DNAH9: variants seen among roughly 807,000 people sequenced by gnomAD.
DNAH9 encodes DNAH9 variant protein.
Under a neutral mutation model 471.6 loss-of-function variants are expected in DNAH9, and 345 were observed. That is an observed-to-expected ratio of 0.73 (90% CI 0.67 to 0.80). The LOEUF (loss-of-function observed/expected upper bound fraction) is 0.80, where lower values mean the gene tolerates loss of function less well. Among genes scored for constraint, DNAH9 ranks in the 30% least tolerant of loss-of-function variants. DNAH9 has a pLI of 0.00. For missense variants in DNAH9, 5,407 were observed against 5,609.2 expected (o/e 0.96, Z 1.15); for synonymous variants, 2,093 against 2,123.6 (o/e 0.99, Z 0.40).
intron 64 of DNAH9, 105 bp from the exon 65 acceptor site, chr17:11,933,775 G>GCGTC: frequency 2.0e-6 from 2 of 993,768 alleles, no homozygotes; most frequent in Non-Finnish European, 1.5e-6. Context: ...ATCTCAAGAA[G>GCGTC]CGTCCCTCTC....
In DNAH9 at chr17:11,744,983, G is replaced by T. The variant is rs3744577; in HGVS notation, c.6298G>T (p.Ala2100Ser). 1 of 1,614,068 alleles carries T rather than the reference G, an allele frequency of 6.2e-7. No homozygotes were observed. Among genetic ancestry groups the T allele is most frequent in the African/African-American group, 1.3e-5 (1 of 74,998 alleles). Residue 2100 changes from alanine to serine, a missense_variant, in exon 31 of 69, where the codon GCC becomes TCC. Coordinates refer to ENST00000262442, the MANE Select transcript of DNAH9 (RefSeq NM_001372.4). ...GGGCCTGATCGGGGACCTCTTTCCC[G>T]CCCTGGATGTCCCCCGGAGGAGAGA... ...FMGLIGDLFP[A>S]LDVPRRRDPN...
At chr17:11,698,892 G>A in intron 22 of DNAH9, among the ~76,000 whole-genome samples, 1 of 152,036 alleles carries the variant, frequency 6.6e-6, no homozygotes. Context: ...TGCTTGCCAT[G>A]AGCATGCCTG....
chr17:11,834,644 G>A lies in DNAH9; in HGVS notation c.9253G>A (p.Asp3085Asn). 6.2e-7 allele frequency: 1 copy of A among 1,614,016 alleles called. No homozygotes were observed. Among genetic ancestry groups the A allele is most frequent in the Non-Finnish European group, 8.5e-7 (1 of 1,180,008 alleles). ...KLHSTSAQVD[D>N]LKAKLAAQEV... Reference sequence around the variant, plus strand: ...CCGTGCTTCTCCAATGCAGGTGGATGATCTGAAAGCAAAGCTGGCTGCCCA... The same window carrying A: ...CCGTGCTTCTCCAATGCAGGTGGATAATCTGAAAGCAAAGCTGGCTGCCCA... The change falls in exon 49 of 69, where the codon GAT becomes AAT. Residue 3085 changes from aspartate to asparagine, a missense_variant. By Grantham distance (23) the Asp-to-Asn change is conservative. Coordinates refer to ENST00000262442, the MANE Select transcript of DNAH9 (RefSeq NM_001372.4).
rs759391577 is a variant in DNAH9, at chr17:11,690,099, A to G, written c.4277A>G (p.Lys1426Arg). 1.9e-6 allele frequency: 3 copies of G among 1,614,178 alleles called. No individual in the cohort carries two copies. The highest frequency in any genetic ancestry group is 1.3e-5 in the African/African-American group (1 of 75,050). ...GATGAGGTCCGGGGCATTGTGGACAAAGCTGCAAAAGAGATGGGTATGGAG... is the reference window on the plus strand; with the variant it reads ...GATGAGGTCCGGGGCATTGTGGACAGAGCTGCAAAAGAGATGGGTATGGAG... The part of the protein sequence containing the change: ...YEDEVRGIVD[K>R]AAKEMGMEKT... Residue 1426 changes from lysine (K) to arginine (R), a missense_variant, in exon 20 of 69, where the codon AAA becomes AGA. Physicochemically the swap from Lys to Arg is conservative, Grantham distance 26. Transcript: ENST00000262442.
intron 67 of DNAH9, among the ~76,000 whole-genome samples, chr17:11,944,490 C>G (rs1268409043): frequency 1.3e-5 from 2 of 152,070 alleles, no homozygotes; most frequent in Non-Finnish European, 2.9e-5. Flanking sequence ...GGTCTGTTCT[C>G]AGAGTTAACA....
At chr17:11,689,534 A>G (rs993944122) in intron 19 of DNAH9, 32 bp from the exon 20 acceptor site, 23 of 1,575,492 alleles carry the variant, frequency 1.5e-5, no homozygotes, top group Non-Finnish European at 1.8e-5. Flanking sequence ...CCTGCGTGCC[A>G]TACTTACAAA....
chr17:11,635,781 G>T (rs2150678629), intron 8 of DNAH9, among the ~76,000 whole-genome samples: 1 of 152,230 alleles, frequency 6.6e-6, no homozygotes, highest in African/African-American at 2.4e-5. Context: ...GAAACACTGA[G>T]GGGTTAGGGC....
At chr17:11,671,945 T>G (rs905362134) in intron 17 of DNAH9, among the ~76,000 whole-genome samples, 1 of 152,238 alleles carries the variant, frequency 6.6e-6, no homozygotes, top group Non-Finnish European at 1.5e-5. Flanking sequence ...TCTTCTAAGG[T>G]GTCTTCCGTC....
chr17:11,824,548 T>C (rs1251379854), intron 48 of DNAH9, among the ~76,000 whole-genome samples: 2 of 152,192 alleles, frequency 1.3e-5, no homozygotes, highest in Admixed American at 1.3e-4. Context: ...TCTCATGTGT[T>C]GCTTTCATCC....
intron 18 of DNAH9, 47 bp from the exon 19 acceptor site, chr17:11,680,676 G>A: frequency 1.3e-6 from 2 of 1,571,502 alleles, no homozygotes; most frequent in Non-Finnish European, 1.7e-6. Context: ...CTATGGGAGA[G>A]GAAAGAGCAC....
chr17:11,937,476 G>A lies in DNAH9; in HGVS notation c.12614G>A (p.Arg4205Gln), dbSNP rs752708637. 1.7e-5 allele frequency: 27 copies of A among 1,613,726 alleles called. No individual in the cohort carries two copies. The highest frequency in any genetic ancestry group is 1.9e-5 in the Non-Finnish European group (23 of 1,179,820). ...CGCACTGTGCTGGAGCTGCAGCCTC[G>A]GGACAGCCAGGCCAGAGACGGAGCG... ...LFRTVLELQP[R>Q]DSQARDGAGA... is the part of the protein sequence containing the mutation. The change falls in exon 66 of 69, where the codon CGG becomes CAG. Residue 4205 changes from arginine to glutamine, a missense_variant. By Grantham distance (43) the Arg-to-Gln change is conservative. This residue lies in a region of DNAH9 where 4,636 missense variants were observed against 4,900.3 expected (regional missense o/e 0.95). Coordinates refer to ENST00000262442, the MANE Select transcript of DNAH9 (RefSeq NM_001372.4). This position sits in a 1 kb window ranked among gnomAD's most constrained non-coding sequence, Gnocchi z 4.1.
In DNAH9 at chr17:11,835,069, G is replaced by A. The variant is rs532127033; in HGVS notation, c.9507+171G>A. Among the ~76,000 whole-genome samples the A allele has an allele frequency of 8.7e-4, 133 of 152,222 alleles. 3 individuals carry two copies. The highest frequency in any genetic ancestry group is 2.1e-4 in the Non-Finnish European group (14 of 68,012). On this transcript the variant is annotated intron_variant, in intron 49 of 68. Coordinates refer to ENST00000262442, the MANE Select transcript of DNAH9 (RefSeq NM_001372.4). ...AAACATTTCTTAGGACTATCTTTTC[G>A]GTTCCATGAGCTACCAATGAAATCC...
intron 30 of DNAH9, among the ~76,000 whole-genome samples, chr17:11,744,511 A>G (rs887234823): frequency 5.3e-5 from 8 of 152,164 alleles, no homozygotes; most frequent in Admixed American, 2.6e-4. Flanking sequence ...TGAGTGTGCA[A>G]GGAGTAGCCA....
Position 11,854,414 on chromosome 17 carries a change from A to C in DNAH9, c.9919A>C (p.Lys3307Gln), listed in dbSNP as rs1299009878. The C allele has an allele frequency of 3.7e-6, 6 of 1,612,678 alleles. No individual in the cohort carries two copies. The highest frequency in any genetic ancestry group is 5.1e-6 in the Non-Finnish European group (6 of 1,179,114). Reference protein sequence around the residue: ...TAAQEKLAAIKAKIAHLNENL... With the variant: ...TAAQEKLAAIQAKIAHLNENL... ...TGCCCAGGAGAAGCTGGCTGCCATC[A>C]AAGCCAAGATCGCTGTGAGTGACCC... The change falls in exon 50 of 69, where the codon AAA becomes CAA. Residue 3307 changes from lysine (K) to glutamine (Q), a missense_variant. This residue lies in a region of DNAH9 where 4,636 missense variants were observed against 4,900.3 expected (regional missense o/e 0.95). Transcript: ENST00000262442.
chr17:11,617,658 G>A lies in DNAH9; in HGVS notation c.1116+36G>A, dbSNP rs79601463. The A allele has an allele frequency of 2.8e-4, 418 of 1,517,892 alleles. 7 individuals carry two copies. The East Asian group carries it at 5.2e-3, about 19-fold the overall frequency. The allele number at this position is 1,517,892 out of a possible 1,614,324, so 94.0% of individuals were successfully genotyped here. On this transcript the variant is annotated intron_variant, in intron 5 of 68. Coordinates refer to ENST00000262442, the MANE Select transcript of DNAH9 (RefSeq NM_001372.4). ...CTGGGATGCCCAGCAACTGCTCCCTGGGGGCTGGTTGGCATCTAGTCACAG... is the reference window on the plus strand; with the variant it reads ...CTGGGATGCCCAGCAACTGCTCCCTAGGGGCTGGTTGGCATCTAGTCACAG...
In DNAH9 at chr17:11,619,741, T is replaced by C. The variant is rs1484580040; in HGVS notation, c.1310T>C (p.Val437Ala). 1.2e-6 allele frequency: 2 copies of C among 1,613,874 alleles called. No homozygotes were observed. The highest frequency in any genetic ancestry group is 2.2e-5 in the South Asian group (2 of 91,072). The part of the protein sequence containing the change: ...EWDFQSSLVF[V>A]RLDGFLGQLH... Reference sequence around the variant, plus strand: ...GATTTCCAGTCTTCTTTGGTCTTTGTGCGATTGGATGGCTTCCTGGGACAA... The same window carrying C: ...GATTTCCAGTCTTCTTTGGTCTTTGCGCGATTGGATGGCTTCCTGGGACAA... The change falls in exon 6 of 69, where the codon GTG (valine) becomes GCG (alanine). Residue 437 changes from valine (V) to alanine (A), a missense_variant. By Grantham distance (64) the Val-to-Ala change is moderately conservative (BLOSUM62 0). Coordinates refer to ENST00000262442, the MANE Select transcript of DNAH9 (RefSeq NM_001372.4).
At position 11,677,495 on chromosome 17, in the gene DNAH9, C is replaced by G. The variant is rs2150737677; in HGVS notation, c.3354-2262C>G. On this transcript the variant is annotated intron_variant, in intron 17 of 68. Transcript: ENST00000262442. ...CTTTGGTGACATTTGCTTAGTGCAT[C>G]TCTTCTTATCCTTTGGCTTTCAACC... is the stretch of plus-strand genomic sequence containing the variant. Among the ~76,000 whole-genome samples, 4 of 152,282 alleles carry G rather than the reference C, an allele frequency of 2.6e-5. 1 individual carries two copies. The Middle Eastern group carries it at 0.014, about 522-fold the overall frequency.
intron 22 of DNAH9, among the ~76,000 whole-genome samples, chr17:11,698,195 A>ATAAT (rs2074517240): frequency 7.7e-6 from 1 of 129,434 alleles, no homozygotes; most frequent in Admixed American, 9.2e-5. Flanking sequence ...TATTAATATA[A>ATAAT]TAATATATTA....
chr17:11,902,212 A>G (rs1973437650), intron 59 of DNAH9, among the ~76,000 whole-genome samples: 1 of 152,248 alleles, frequency 6.6e-6, no homozygotes, highest in Admixed American at 6.5e-5. Context: ...CTGGCTACCA[A>G]GTTATACATT....
Sources: gnomAD v4.1 joint callset for allele counts (sites outside exome capture counted in the v4.1 genomes callset) on GRCh38, gnomAD v4.1.1 for gene constraint, gnomAD v4.1.1 regional missense constraint, Gnocchi (gnomAD v3.1) non-coding constraint, MANE v1.5 for transcripts, NCBI Gene and HGNC (gene_info 2026-07-23, HGNC 2026-07-21) for gene names.